Variants in ZBTB10 observed in about 807,000 individuals in gnomAD.
The protein encoded by ZBTB10 is zinc finger and BTB domain-containing protein 10.
ZBTB10 carries 32 observed loss-of-function variants against 76.4 expected under a neutral mutation model. The observed-to-expected ratio is 0.42, with a 90% CI of 0.32 to 0.56. The LOEUF (loss-of-function observed/expected upper bound fraction) is 0.56, where lower values mean the gene tolerates loss of function less well. Among genes scored for constraint, ZBTB10 ranks in the 20% least tolerant of loss-of-function variants. The probability of loss-of-function intolerance (pLI) is 0.14; values close to 1 mark genes in which losing one functional copy is unlikely to be tolerated. For missense variants in ZBTB10, 1,057 were observed against 1,098.5 expected (o/e 0.96, Z 0.53); for synonymous variants, 523 against 432.9 (o/e 1.21, Z -2.58).
chr8:80,517,701 A>G (rs531069459), intron 3 of ZBTB10, among the ~76,000 whole-genome samples: 4 of 152,078 alleles, frequency 2.6e-5, no homozygotes, highest in Admixed American at 6.5e-5. Flanking sequence ...TAAGGAGAAT[A>G]TCCCATTTGA....
rs188430655 is a variant in ZBTB10, at chr8:80,520,191, T to G, written c.*663T>G. On this transcript the variant is annotated 3_prime_UTR_variant, in exon 6 of 6. Transcript: ENST00000455036. ...GGAATGAACTAACTGACTTCCTCCA[T>G]TCCCCTCTTCCTTTTTGACATGAAT... 1.3e-5 allele frequency: 2 copies of G among 152,626 alleles called. No homozygotes were observed. Among genetic ancestry groups the G allele is most frequent in the East Asian group, 3.9e-4 (2 of 5,186 alleles). The allele number at this position is 152,626 out of a possible 1,614,324, so 9.5% of individuals were successfully genotyped here. A position where few individuals can be genotyped will look rare whatever the true frequency, so the allele number is the denominator to read the frequency against.
Position 80,520,285 on chromosome 8 carries a change from A to G in ZBTB10, c.*757A>G, listed in dbSNP as rs1816422471. On this transcript the variant is annotated 3_prime_UTR_variant, in exon 6 of 6. Coordinates refer to ENST00000455036, the MANE Select transcript of ZBTB10 (RefSeq NM_001105539.3). ...GGCGAAGTTGACAAATACCACTAAA[A>G]TGATTATGATTTAGAAGTAACTTTC... 6.6e-6 allele frequency: 1 copy of G among 152,522 alleles called. No homozygotes were observed. The highest frequency in any genetic ancestry group is 1.5e-5 in the Non-Finnish European group (1 of 67,972). 9.4% of individuals were successfully genotyped at this position (152,522 alleles called of 1,614,324 possible). A position where few individuals can be genotyped will look rare whatever the true frequency, so the allele number is the denominator to read the frequency against.
rs559516817 is a variant in ZBTB10, at chr8:80,486,409, T to G, written c.-402T>G. The G allele has an allele frequency of 4.6e-4, 449 of 980,246 alleles. No individual in the cohort carries two copies. Among genetic ancestry groups the G allele is most frequent in the Non-Finnish European group, 5.1e-4 (419 of 828,512 alleles). 60.7% of individuals were successfully genotyped at this position (980,246 alleles called of 1,614,324 possible). A position where few individuals can be genotyped will look rare whatever the true frequency, so the allele number is the denominator to read the frequency against. On this transcript the variant is annotated 5_prime_UTR_variant, in exon 1 of 6. Transcript: ENST00000455036. ...GAAGGATATCTGTGTGGAGGATCGGTGTGTGCGCGCGCGGCTTTAAAGAGG... is the reference window on the plus strand; with the variant it reads ...GAAGGATATCTGTGTGGAGGATCGGGGTGTGCGCGCGCGGCTTTAAAGAGG...
Position 80,519,225 on chromosome 8 carries a change from G to T in ZBTB10, c.2313G>T (p.Val771=). ...RREHVKRHSL[V]HKKDKKYKCM... Reference sequence around the variant, plus strand: ...GGATTTTTTCCCCCTCCAATTAGGTGCATAAAAAGGATAAAAAATACAAAT... The same window carrying T: ...GGATTTTTTCCCCCTCCAATTAGGTTCATAAAAAGGATAAAAAATACAAAT... Residue 771 remains valine (V), a splice_region_variant and synonymous_variant, in exon 6 of 6, where the codon GTG becomes GTT. Coordinates refer to ENST00000455036, the MANE Select transcript of ZBTB10 (RefSeq NM_001105539.3). 4 of 1,611,512 alleles carry T rather than the reference G, an allele frequency of 2.5e-6. No individual in the cohort carries two copies. Among genetic ancestry groups the T allele is most frequent in the South Asian group, 1.1e-5 (1 of 90,914 alleles).
chr8:80,504,523 ACATATTTGTTGTTTGACTCACTACAGAGT>A (rs1157566645), intron 2 of ZBTB10, among the ~76,000 whole-genome samples: 4 of 152,178 alleles, frequency 2.6e-5, no homozygotes, highest in South Asian at 2.1e-4. Flanking sequence ...CTTGAAATTA[ACATATTTGTTGTTTGACTCACTACAGAGT>A]CATATTTGTT....
At position 80,487,146 on chromosome 8, in the gene ZBTB10, C is replaced by T; in HGVS notation, c.336C>T (p.Gly112=). 5 of 1,511,462 alleles carry T rather than the reference C, an allele frequency of 3.3e-6. No individual in the cohort carries two copies. Among genetic ancestry groups the T allele is most frequent in the East Asian group, 2.6e-5 (1 of 38,830 alleles). The allele number at this position is 1,511,462 out of a possible 1,614,324, so 93.6% of individuals were successfully genotyped here. A position where few individuals can be genotyped will look rare whatever the true frequency, so the allele number is the denominator to read the frequency against. Residue 112 remains glycine (G), a synonymous_variant, in exon 1 of 6, where the codon GGC becomes GGT. Transcript: ENST00000455036. ...GPTSLGGGAG[G]PLLAERNRRT... is the part of the protein sequence containing the mutation. ...CCTCGCTTGGCGGTGGCGCGGGGGG[C>T]CCCCTGCTAGCGGAAAGGAACCGTC...
chr8:80,488,800 G>T (rs1366185875), intron 1 of ZBTB10, among the ~76,000 whole-genome samples: 1 of 152,082 alleles, frequency 6.6e-6, no homozygotes, highest in Non-Finnish European at 1.5e-5. Context: ...CTTTCGTATT[G>T]GTTAGCCAGT....
At chr8:80,511,512 C>T (rs1019157523) in intron 2 of ZBTB10, among the ~76,000 whole-genome samples, 2 of 152,082 alleles carry the variant, frequency 1.3e-5, no homozygotes, top group African/African-American at 4.8e-5. Context: ...TTTGTTGAGA[C>T]AGGGTCTCAC....
At chr8:80,494,582 C>T (rs544919497) in intron 1 of ZBTB10, among the ~76,000 whole-genome samples, 90 of 152,176 alleles carry the variant, frequency 5.9e-4, no homozygotes, top group African/African-American at 2.0e-3. Context: ...CCTATCTTCC[C>T]TAATTAAGGT....
chr8:80,487,522 C>A lies in ZBTB10; in HGVS notation c.712C>A (p.Arg238=). The A allele has an allele frequency of 6.4e-7, 1 of 1,570,624 alleles. No individual in the cohort carries two copies. Among genetic ancestry groups the A allele is most frequent in the Non-Finnish European group, 8.6e-7 (1 of 1,157,658 alleles). The change falls in exon 1 of 6, where the codon CGG becomes AGG. Residue 238 remains arginine, a synonymous_variant. Coordinates refer to ENST00000455036, the MANE Select transcript of ZBTB10 (RefSeq NM_001105539.3). ...GETVQHFPLA[R]PKSLMQKLQC... is the part of the protein sequence containing the mutation. ...GACTGTCCAGCACTTCCCGCTCGCG[C>A]GGCCCAAGTCTCTAATGCAGAAGCT...
intron 2 of ZBTB10, among the ~76,000 whole-genome samples, chr8:80,512,553 A>G (rs745437414): frequency 1.3e-5 from 2 of 152,220 alleles, no homozygotes. Flanking sequence ...TCTACAAAAA[A>G]TTACAAAAAT....
At chr8:80,489,390 G>T (rs1360601690) in intron 1 of ZBTB10, among the ~76,000 whole-genome samples, 1 of 152,242 alleles carries the variant, frequency 6.6e-6, no homozygotes, top group Non-Finnish European at 1.5e-5. Flanking sequence ...TGATGGAGTT[G>T]CAAGGGACTT....
At chr8:80,494,169 T>G (rs919729149) in intron 1 of ZBTB10, among the ~76,000 whole-genome samples, 1 of 152,274 alleles carries the variant, frequency 6.6e-6, no homozygotes, top group African/African-American at 2.4e-5. Context: ...TTTTATGTTT[T>G]CAATGCTTTT....
In ZBTB10 at chr8:80,486,362, C is replaced by G; in HGVS notation, c.-449C>G. The G allele has an allele frequency of 1.0e-6, 1 of 990,042 alleles. No homozygotes were observed. Among genetic ancestry groups the G allele is most frequent in the Middle Eastern group, 5.1e-4 (1 of 1,944 alleles). 61.3% of individuals were successfully genotyped at this position (990,042 alleles called of 1,614,324 possible). On this transcript the variant is annotated 5_prime_UTR_variant, in exon 1 of 6. Transcript: ENST00000455036. The stretch of plus-strand genomic sequence containing the variant: ...GCGCCTGCGAAGCCGGCGGCGGCGT[C>G]GGGACTCCTCGGCGCGCGGAGGAAG...
At chr8:80,491,626 A>G (rs1280273035) in intron 1 of ZBTB10, among the ~76,000 whole-genome samples, 1 of 152,152 alleles carries the variant, frequency 6.6e-6, no homozygotes, top group Admixed American at 6.5e-5. Context: ...GTGTCCCTGT[A>G]TTTATAAGGA....
Position 80,499,720 on chromosome 8 carries a change from G to T in ZBTB10, c.1199G>T (p.Ser400Ile). The change falls in exon 2 of 6, where the codon AGC becomes ATC. Residue 400 changes from serine to isoleucine, a missense_variant. Ser to Ile is a moderately radical substitution (Grantham distance 142). Coordinates refer to ENST00000455036, the MANE Select transcript of ZBTB10 (RefSeq NM_001105539.3). ...KTLYCFSNKE[S>I]PNQNNTTHLD... is the part of the protein sequence containing the mutation. ...TTATATTGCTTTTCAAACAAAGAAA[G>T]CCCTAACCAAAACAATACTACCCAC... The T allele has an allele frequency of 6.2e-7, 1 of 1,613,940 alleles. No homozygotes were observed. The highest frequency in any genetic ancestry group is 8.5e-7 in the Non-Finnish European group (1 of 1,179,854).
intron 1 of ZBTB10, among the ~76,000 whole-genome samples, chr8:80,494,712 G>A (rs920193673): frequency 3.3e-5 from 5 of 151,912 alleles, no homozygotes; most frequent in African/African-American, 1.2e-4. Context: ...GAGCCCAGGA[G>A]TTTGAGACAA....
At chr8:80,496,097 C>T (rs1222870708) in intron 1 of ZBTB10, among the ~76,000 whole-genome samples, 1 of 152,068 alleles carries the variant, frequency 6.6e-6, no homozygotes, top group Non-Finnish European at 1.5e-5. Context: ...CTGATGTTAT[C>T]AGTATACTAA....
chr8:80,500,590 A>G (rs1489573960), intron 2 of ZBTB10, among the ~76,000 whole-genome samples: 1 of 152,214 alleles, frequency 6.6e-6, no homozygotes. Context: ...GGTTTATCAA[A>G]AGATGTATTA....
Sources: gnomAD v4.1 joint callset for allele counts (sites outside exome capture counted in the v4.1 genomes callset) on GRCh38, gnomAD v4.1.1 for gene constraint, MANE v1.5 for transcripts, NCBI Gene and HGNC (gene_info 2026-07-23, HGNC 2026-07-21) for gene names.